The following TMEM223 variants were observed in gnomAD, a reference collection of about 807,000 sequenced individuals.
TMEM223 encodes transmembrane protein 223.
A neutral mutation model predicts 14.1 loss-of-function variants in TMEM223; 14 were observed. The observed-to-expected ratio is 0.99, with a 90% CI of 0.66 to 1.55. TMEM223 has a LOEUF of 1.55. TMEM223 is among the 40% of genes most tolerant of loss of function. The pLI, the probability that TMEM223 is intolerant of heterozygous loss-of-function variation, is 0.00. For missense variants in TMEM223, 346 were observed against 269.9 expected, an observed-to-expected ratio of 1.28 and a Z score of -1.97; for synonymous variants, 145 against 120.5, an observed-to-expected ratio of 1.20 and a Z score of -1.33.
chr11:62,776,939 G>A lies in TMEM223; in HGVS notation c.315-2274C>T, dbSNP rs141231303. Reference sequence around the variant, plus strand: ...GGAGGCCGGCGGATCACGAAGTCAGGAGTTTGAGACCAACCTGCCCAACAT... The same window carrying A: ...GGAGGCCGGCGGATCACGAAGTCAGAAGTTTGAGACCAACCTGCCCAACAT... On this transcript the variant is annotated intron_variant, in intron 1 of 2. Transcript: ENST00000528367. 9.9e-3 allele frequency among the ~76,000 whole-genome samples: 1,502 copies of A among 152,024 alleles called. 20 individuals carry two copies. The highest frequency in any genetic ancestry group is 0.014 in the Non-Finnish European group (982 of 68,002).
chr11:62,777,634 T>C (rs1016168767), intron 1 of TMEM223, among the ~76,000 whole-genome samples: 2 of 152,208 alleles, frequency 1.3e-5, no homozygotes, highest in Non-Finnish European at 2.9e-5. Flanking sequence ...GTGGTTTTTC[T>C]GGAGCGGTGA....
chr11:62,775,182 CTT>C (rs970981123), intron 1 of TMEM223, among the ~76,000 whole-genome samples: 2 of 152,024 alleles, frequency 1.3e-5, no homozygotes, highest in African/African-American at 4.8e-5. Flanking sequence ...GCAAACATGT[CTT>C]TCTTCATGTG....
At chr11:62,788,589 A>T (rs546446567), downstream of TMEM223, among the ~76,000 whole-genome samples, 2 of 151,526 alleles carry the variant, frequency 1.3e-5, no homozygotes, top group Admixed American at 6.6e-5. Context: ...CTGTAGTCCC[A>T]GCTACTCAGG....
In TMEM223 at chr11:62,790,754, G is replaced by A. The variant is rs763596886; in HGVS notation, c.478C>T (p.Arg160Trp). 1.8e-5 allele frequency: 29 copies of A among 1,609,844 alleles called. No homozygotes were observed. The African/African-American group carries it at 2.1e-4, about 12-fold the overall frequency. Residue 160 changes from arginine (R) to tryptophan (W), a missense_variant, in exon 2 of 2, where the codon CGG becomes TGG. Arg to Trp is a moderately radical substitution (Grantham distance 101, BLOSUM62 -3). Coordinates refer to ENST00000307366, the MANE Select transcript of TMEM223 (RefSeq NM_001080501.3). ...GGTAGCATGGCAGGGACTTCACCCC[G>A]GTGGGCCATGCAAGATACCTGCTTC... ...PLKQVSCMAH[R>W]GEVPAMLPLK...
downstream of TMEM223, chr11:62,787,778 G>C (rs2084305834): frequency 1.5e-6 from 1 of 685,480 alleles, no homozygotes; most frequent in Non-Finnish European, 2.6e-6. Flanking sequence ...GCACTAGGTG[G>C]AGTCGGGTTT....
downstream of TMEM223, chr11:62,789,527 C>T (rs149681128): frequency 5.1e-5 from 80 of 1,584,094 alleles, 1 homozygote; most frequent in East Asian, 1.7e-3. Context: ...TCTCAACTCA[C>T]AGGGCACTGG....
rs1565194313 is a variant in TMEM223, at chr11:62,790,020, C to T, written c.*603G>A. On this transcript the variant is annotated 3_prime_UTR_variant, in exon 2 of 2. Coordinates refer to ENST00000307366, the MANE Select transcript of TMEM223 (RefSeq NM_001080501.3). ...AGTGGAGCTCTGAGACAGATGCTCT[C>T]GTTGGGTCACGCCTTTCCCATTCCT... is the stretch of plus-strand genomic sequence containing the variant. 9 of 1,613,256 alleles carry T rather than the reference C, an allele frequency of 5.6e-6. No individual in the cohort carries two copies. Among genetic ancestry groups the T allele is most frequent in the South Asian group, 3.3e-5 (3 of 91,022 alleles).
chr11:62,778,963 G>A, intron 1 of TMEM223: 2 of 1,613,766 alleles, frequency 1.2e-6, no homozygotes, highest in Non-Finnish European at 1.7e-6. Context: ...AACTGATGAA[G>A]GTGAGCGAGT....
chr11:62,789,845 A>G (rs755707253), downstream of TMEM223: 46 of 1,592,568 alleles, frequency 2.9e-5, no homozygotes, highest in Admixed American at 1.2e-4. Context: ...CTGGATTTGA[A>G]ATGGTCCCAC....
downstream of TMEM223, among the ~76,000 whole-genome samples, chr11:62,785,243 G>A (rs1046802639): frequency 2.0e-5 from 3 of 151,600 alleles, no homozygotes; most frequent in Non-Finnish European, 4.4e-5. Flanking sequence ...CCAGGCTGGA[G>A]TGCAATGGCG....
intron 2 of TMEM223, among the ~76,000 whole-genome samples, chr11:62,773,313 A>G (rs1201721615): frequency 6.6e-6 from 1 of 150,692 alleles, no homozygotes; most frequent in Non-Finnish European, 1.5e-5. Flanking sequence ...ATGCCTAGCT[A>G]ATTTTTGTAT....
At chr11:62,772,033 G>A (rs2084151935) in exon 3 of TMEM223, 1 of 453,580 alleles carries the variant, frequency 2.2e-6, no homozygotes, top group Non-Finnish European at 4.4e-6. Flanking sequence ...TTAGGAGCAA[G>A]GGGTTGAGTC....
intron 1 of TMEM223, chr11:62,778,981 A>C: frequency 6.3e-7 from 1 of 1,587,462 alleles, no homozygotes; most frequent in Non-Finnish European, 8.6e-7. Context: ...AGTGGGCCCA[A>C]GTTGGGGCAC....
Position 62,790,010 on chromosome 11 carries a change from CAG to C in TMEM223, c.*611_*612del. The C allele has an allele frequency of 6.2e-7, 1 of 1,613,834 alleles. No homozygotes were observed. Among genetic ancestry groups the C allele is most frequent in the Non-Finnish European group, 8.5e-7 (1 of 1,179,870 alleles). ...GGTGACCCTGAGTGGAGCTCTGAGA[CAG>C]ATGCTCTCGTTGGGTCACGCCTTTC... On this transcript the variant is annotated 3_prime_UTR_variant, in exon 2 of 2. Coordinates refer to ENST00000307366, the MANE Select transcript of TMEM223 (RefSeq NM_001080501.3).
In TMEM223 at chr11:62,791,969, G is replaced by A. The variant is rs957319041; in HGVS notation, c.26C>T (p.Pro9Leu). 4.5e-6 allele frequency: 7 copies of A among 1,563,592 alleles called. No homozygotes were observed. Among genetic ancestry groups the A allele is most frequent in the Non-Finnish European group, 6.1e-6 (7 of 1,152,478 alleles). MAAPWRRWPTGLLAVLRPL... is the reference protein window; with the variant it reads MAAPWRRWLTGLLAVLRPL... ...CCGCAGCACGGCTAGCAGCCCCGTG[G>A]GCCATCGCCTCCAAGGCGCCGCCAT... Residue 9 changes from proline to leucine, a missense_variant, in exon 1 of 2, where the codon CCC becomes CTC. Coordinates refer to ENST00000307366, the MANE Select transcript of TMEM223 (RefSeq NM_001080501.3).
At chr11:62,782,438 G>A (rs1486960402) in intron 1 of TMEM223, 15 of 1,287,740 alleles carry the variant, frequency 1.2e-5, no homozygotes, top group East Asian at 2.4e-5. Context: ...ATGAGAAGAT[G>A]GGGAACCTTT....
downstream of TMEM223, among the ~76,000 whole-genome samples, chr11:62,783,460 C>T (rs942823106): frequency 8.2e-5 from 12 of 146,874 alleles, no homozygotes; most frequent in Admixed American, 2.8e-4. Flanking sequence ...GCAGCCTGGG[C>T]GACAGAGCGA....
intron 2 of TMEM223, chr11:62,772,249 C>T (rs2084154175): frequency 7.9e-5 from 32 of 406,494 alleles, no homozygotes; most frequent in South Asian, 5.3e-4. Context: ...TGGCCGGGCG[C>T]GGTGGCTCAC....
chr11:62,787,338 GGAAAT>G (rs780622373), downstream of TMEM223: 2 of 1,523,468 alleles, frequency 1.3e-6, no homozygotes, highest in Non-Finnish European at 1.8e-6. Flanking sequence ...TCCCGCCCCC[GGAAAT>G]GACGTCTCCA....
Sources: gnomAD v4.1 joint callset for allele counts (sites outside exome capture counted in the v4.1 genomes callset) on GRCh38, gnomAD v4.1.1 for gene constraint, MANE v1.5 for transcripts, NCBI Gene and HGNC (gene_info 2026-07-23, HGNC 2026-07-21) for gene names.